The following MEF2C variants were observed in gnomAD, a reference collection of about 807,000 sequenced individuals.
The protein encoded by MEF2C is myocyte enhancer factor 2C, also known as myocyte-specific enhancer factor 2C.
In MEF2C, 6 loss-of-function variants were observed where a neutral mutation model predicts 50.5. The ratio of observed to expected loss-of-function variants is 0.12; its 90% CI spans 0.07 to 0.23. The LOEUF is 0.23. Ranked by LOEUF, MEF2C falls within the 10% of genes least tolerant of loss-of-function variation. MEF2C has a pLI of 1.00. For synonymous variants in MEF2C, 183 were observed against 228.0 expected (o/e 0.80, Z 1.78); for missense variants, 276 against 605.0 (o/e 0.46, Z 5.70).
chr5:88,776,520 C>T (rs1031702455), intron 3 of MEF2C, among the ~76,000 whole-genome samples: 1 of 152,160 alleles, frequency 6.6e-6, no homozygotes, highest in Middle Eastern at 3.2e-3. Flanking sequence ...CTCTGGTAAC[C>T]TCAACCCCTT....
At chr5:88,806,629 T>C (rs1187839310) in intron 2 of MEF2C, among the ~76,000 whole-genome samples, 1 of 152,190 alleles carries the variant, frequency 6.6e-6, no homozygotes, top group Admixed American at 6.5e-5. Flanking sequence ...TTCCTCCACA[T>C]TTTGTTAATT....
At chr5:88,804,577 T>G in intron 3 of MEF2C, 21 bp downstream of exon 3, 2 of 1,612,122 alleles carry the variant, frequency 1.2e-6, no homozygotes, top group Non-Finnish European at 1.7e-6. Flanking sequence ...GGCTTGGGGC[T>G]CACCACGCAT....
chr5:88,802,256 A>G (rs1798680753), intron 3 of MEF2C, among the ~76,000 whole-genome samples: 1 of 152,238 alleles, frequency 6.6e-6, no homozygotes, highest in Non-Finnish European at 1.5e-5. Context: ...CATTTTTGAG[A>G]TGAGAAAACG....
intron 2 of MEF2C, among the ~76,000 whole-genome samples, chr5:88,816,926 C>G (rs1805715467): frequency 6.6e-6 from 1 of 151,652 alleles, no homozygotes; most frequent in South Asian, 2.1e-4. Flanking sequence ...AGCTTTTTTT[C>G]ACTAGGTCTG....
intron 3 of MEF2C, chr5:88,781,976 C>CAAAA: frequency 3.1e-6 from 1 of 321,984 alleles, no homozygotes; most frequent in Non-Finnish European, 4.5e-6. Flanking sequence ...CTGTCAAAAA[C>CAAAA]AAAACAAAAC....
rs116418914 is a variant in MEF2C, at chr5:88,822,837, C to T, written c.54+898G>A. On this transcript the variant is annotated intron_variant, in intron 2 of 10. Coordinates refer to ENST00000504921, the MANE Select transcript of MEF2C (RefSeq NM_002397.5). ...ACTCTTCTCTTCCACAGTCCAGAAA[C>T]GTCTTCTCTGCAGGTTCCATGATCC... 4.9e-3 allele frequency among the ~76,000 whole-genome samples: 746 copies of T among 152,000 alleles called. 4 individuals carry two copies. Among genetic ancestry groups the T allele is most frequent in the African/African-American group, 0.017 (718 of 41,512 alleles).
chr5:88,858,165 T>G (rs148760272), intron 1 of MEF2C, among the ~76,000 whole-genome samples: 1 of 152,186 alleles, frequency 6.6e-6, no homozygotes, highest in Non-Finnish European at 1.5e-5. Context: ...AATGCATACA[T>G]CTTTCCTCCT....
At chr5:88,901,918 C>T (rs1835696333) in intron 1 of MEF2C, among the ~76,000 whole-genome samples, 1 of 151,818 alleles carries the variant, frequency 6.6e-6, no homozygotes, top group South Asian at 2.1e-4. Flanking sequence ...TTTCCAGTAG[C>T]TTCATTTATA....
intron 2 of MEF2C, among the ~76,000 whole-genome samples, chr5:88,811,330 T>C (rs1297900700): frequency 6.6e-6 from 1 of 151,996 alleles, no homozygotes; most frequent in Non-Finnish European, 1.5e-5. Context: ...TTGTTGAAAA[T>C]TAGAAAGAGA....
rs537406963 is a variant in MEF2C, at chr5:88,744,197, A to T, written c.637+4873T>A. On this transcript the variant is annotated intron_variant, in intron 6 of 10. Coordinates refer to ENST00000504921, the MANE Select transcript of MEF2C (RefSeq NM_002397.5). ...CTAATGGTTATTTCCATTAAATCTA[A>T]TGACTACAAACAACCGAACTTGATC... The T allele has an allele frequency of 1.0e-3, 862 of 864,976 alleles. 5 individuals are homozygous for T. The African/African-American group carries it at 0.02, about 20-fold the overall frequency. The allele number at this position is 864,976 out of a possible 1,614,324, so 53.6% of individuals were successfully genotyped here.
Position 88,869,316 on chromosome 5 carries a change from C to CATATATATATATAT in MEF2C, c.-143+13638_-143+13639insATATATATATATAT, listed in dbSNP as rs1561421830. On this transcript the variant is annotated intron_variant, in intron 1 of 10. Transcript: ENST00000504921. ...ATATACACATATATATATATATATA[C>CATATATATATATAT]ACATATAGCTTCATTTGTACAAATT... is the stretch of plus-strand genomic sequence containing the variant. Among the ~76,000 whole-genome samples the CATATATATATATAT allele has an allele frequency of 6.9e-4, 59 of 85,420 alleles. 1 individual carries two copies. Among genetic ancestry groups the CATATATATATATAT allele is most frequent in the East Asian group, 1.5e-3 (5 of 3,300 alleles). 56.0% of individuals were successfully genotyped at this position (85,420 alleles called of 152,430 possible).
chr5:88,862,540 C>G (rs1427312236), intron 1 of MEF2C, among the ~76,000 whole-genome samples: 1 of 149,418 alleles, frequency 6.7e-6, no homozygotes, highest in African/African-American at 2.5e-5. Context: ...TCTTTTAGAA[C>G]AAGAAGGAAA....
intron 1 of MEF2C, among the ~76,000 whole-genome samples, chr5:88,830,818 T>A (rs1812726922): frequency 6.6e-6 from 1 of 152,126 alleles, no homozygotes; most frequent in Non-Finnish European, 1.5e-5. Context: ...CACTGTCTTA[T>A]GACAAAGCAA....
At chr5:88,841,019 G>T (rs1009752224) in intron 1 of MEF2C, among the ~76,000 whole-genome samples, 1 of 152,062 alleles carries the variant, frequency 6.6e-6, no homozygotes, top group Non-Finnish European at 1.5e-5. Context: ...AATAACACAT[G>T]GATTTCATGG....
At chr5:88,882,381 C>T (rs996085938) in intron 1 of MEF2C, among the ~76,000 whole-genome samples, 25 of 152,242 alleles carry the variant, frequency 1.6e-4, no homozygotes, top group African/African-American at 5.5e-4. Flanking sequence ...TTTGTCCACA[C>T]CAATTAAGAA....
chr5:88,748,001 A>G (rs1468457923), intron 6 of MEF2C: 6 of 952,968 alleles, frequency 6.3e-6, no homozygotes, highest in Non-Finnish European at 1.2e-6. Flanking sequence ...TTCAAAAGAT[A>G]TATAAAATAG....
upstream of MEF2C, among the ~76,000 whole-genome samples, chr5:88,885,328 T>C (rs1833959802): frequency 6.6e-6 from 1 of 152,188 alleles, no homozygotes; most frequent in Non-Finnish European, 1.5e-5. Context: ...AAGGTTTATT[T>C]TATAGGCAAG....
chr5:88,746,692 C>T (rs140874897), intron 6 of MEF2C: 11 of 985,352 alleles, frequency 1.1e-5, no homozygotes, highest in African/African-American at 8.7e-5. Flanking sequence ...GATTCTCTGA[C>T]ATCAGCACGG....
intron 3 of MEF2C, chr5:88,782,064 G>T: frequency 1.2e-6 from 1 of 852,242 alleles, no homozygotes; most frequent in Non-Finnish European, 1.4e-6. Flanking sequence ...AGGCAACCTA[G>T]CGAGACTCTG....
Sources: allele counts gnomAD v4.1 joint callset (sites outside exome capture counted in the v4.1 genomes callset), GRCh38; gene constraint gnomAD v4.1.1; transcripts MANE v1.5; gene names NCBI Gene and HGNC (gene_info 2026-07-23, HGNC 2026-07-21).